GRIK1: variants seen among roughly 807,000 people sequenced by gnomAD.
GRIK1 encodes glutamate receptor ionotropic, kainate 1.
Under a neutral mutation model 105.7 loss-of-function variants are expected in GRIK1, and 69 were observed. The ratio of observed to expected loss-of-function variants is 0.65; its 90% confidence interval spans 0.54 to 0.80. GRIK1 has a LOEUF of 0.80. Among genes scored for constraint, GRIK1 ranks in the 30% least tolerant of loss-of-function variants. The probability of loss-of-function intolerance (pLI) is 0.00; values close to 1 mark genes in which losing one functional copy is unlikely to be tolerated. For synonymous variants in GRIK1, 438 were observed against 431.3 expected (o/e 1.02, Z -0.19); for missense variants, 1,109 against 1,167.3 (o/e 0.95, Z 0.73).
chr21:29,657,346 AAAC>A (rs1330869726), intron 4 of GRIK1: 1 of 152,188 alleles, frequency 6.6e-6, no homozygotes, highest in African/African-American at 2.4e-5. Context: ...GCATTTTTTT[AAAC>A]AACCATTTAA....
chr21:29,924,932 A>G (rs536801005), intron 1 of GRIK1, among the ~76,000 whole-genome samples: 1 of 152,328 alleles, frequency 6.6e-6, no homozygotes, highest in South Asian at 2.1e-4. Flanking sequence ...TCCTTCAGGA[A>G]AAGCTCAGAC....
At chr21:29,871,117 G>C (rs1020069059) in intron 1 of GRIK1, among the ~76,000 whole-genome samples, 10 of 152,134 alleles carry the variant, frequency 6.6e-5, no homozygotes, top group Non-Finnish European at 1.5e-4. Flanking sequence ...CCTGGATAAG[G>C]CTGGCCCCAC....
At chr21:29,636,636 T>TAA (rs1298038502) in intron 7 of GRIK1, among the ~76,000 whole-genome samples, 1 of 152,230 alleles carries the variant, frequency 6.6e-6, no homozygotes, top group Non-Finnish European at 1.5e-5. Flanking sequence ...TGTACTCAAA[T>TAA]AAACACTTGC....
At chr21:29,735,339 C>T (rs1053693945) in intron 1 of GRIK1, among the ~76,000 whole-genome samples, 1 of 152,154 alleles carries the variant, frequency 6.6e-6, no homozygotes, top group Non-Finnish European at 1.5e-5. Context: ...GTGTCAAGTC[C>T]AACTCATAAA....
rs1459058512 is a variant in GRIK1, at chr21:29,882,032, G to A, written c.118+57351C>T. ...CGTAGAACAGAAAGGAGAACAGATG[G>A]TTGGGGTAAAGGTATCTGAGGCAAA... On this transcript the variant is annotated intron_variant, in intron 1 of 17. Transcript: ENST00000327783. 2.6e-5 allele frequency among the ~76,000 whole-genome samples: 4 copies of A among 152,212 alleles called. No homozygotes were observed. The East Asian group carries it at 7.7e-4, about 29-fold the overall frequency.
chr21:29,914,110 C>T (rs1283606763), intron 1 of GRIK1, among the ~76,000 whole-genome samples: 1 of 151,924 alleles, frequency 6.6e-6, no homozygotes, highest in African/African-American at 2.4e-5. Context: ...TACTATAGGA[C>T]ATTTAACAGC....
At chr21:29,755,129 G>A (rs1428422291) in intron 1 of GRIK1, among the ~76,000 whole-genome samples, 4 of 152,174 alleles carry the variant, frequency 2.6e-5, no homozygotes, top group Admixed American at 6.5e-5. Flanking sequence ...AGATTGTAGT[G>A]ATGGATAAAA....
intron 1 of GRIK1, among the ~76,000 whole-genome samples, chr21:29,738,431 T>C (rs1386101892): frequency 1.3e-5 from 2 of 152,228 alleles, no homozygotes; most frequent in Non-Finnish European, 2.9e-5. Context: ...ATTTCAAATC[T>C]TTTTGCAGTC....
At chr21:29,723,241 T>C (rs2064366508) in intron 1 of GRIK1, among the ~76,000 whole-genome samples, 1 of 152,254 alleles carries the variant, frequency 6.6e-6, no homozygotes, top group Non-Finnish European at 1.5e-5. Context: ...ATTTCTTTAA[T>C]TTAAAATTTG....
At chr21:29,933,198 T>C (rs1009111621) in intron 1 of GRIK1, among the ~76,000 whole-genome samples, 1 of 152,170 alleles carries the variant, frequency 6.6e-6, no homozygotes, top group Non-Finnish European at 1.5e-5. Flanking sequence ...TTTACATAGG[T>C]AACCGTGTGT....
intron 1 of GRIK1, among the ~76,000 whole-genome samples, chr21:29,898,415 C>T (rs985656252): frequency 6.6e-6 from 1 of 152,134 alleles, no homozygotes; most frequent in Non-Finnish European, 1.5e-5. Context: ...TCTATGGGCA[C>T]AGGTCAGGTG....
chr21:29,795,118 C>G (rs564792718), intron 1 of GRIK1, among the ~76,000 whole-genome samples: 21 of 146,024 alleles, frequency 1.4e-4, no homozygotes, highest in African/African-American at 5.3e-4. Flanking sequence ...TCACTGCAAC[C>G]TCTGCCTCCC....
At chr21:29,700,749 C>T (rs1221176012) in intron 1 of GRIK1, among the ~76,000 whole-genome samples, 1 of 152,192 alleles carries the variant, frequency 6.6e-6, no homozygotes, top group Non-Finnish European at 1.5e-5. Context: ...GGCAATTCCA[C>T]TGCTGCCTAC....
intron 2 of GRIK1, 35 bp downstream of exon 2, chr21:29,693,861 C>T: frequency 1.3e-6 from 2 of 1,534,916 alleles, no homozygotes; most frequent in South Asian, 1.1e-5. Flanking sequence ...AGACATATCA[C>T]CCAAAGAAGC....
chr21:29,668,792 A>G (rs2063108469), intron 4 of GRIK1, among the ~76,000 whole-genome samples: 1 of 152,140 alleles, frequency 6.6e-6, no homozygotes, highest in Admixed American at 6.5e-5. Context: ...CAGTAAAATC[A>G]CACTCAGTAT....
intron 6 of GRIK1, among the ~76,000 whole-genome samples, chr21:29,647,429 C>T (rs1004339855): frequency 6.6e-6 from 1 of 152,156 alleles, no homozygotes; most frequent in Non-Finnish European, 1.5e-5. Context: ...TCTTTCATCG[C>T]TGGAGTAGCA....
intron 3 of GRIK1, among the ~76,000 whole-genome samples, chr21:29,686,523 G>A (rs903004550): frequency 2.0e-5 from 3 of 152,220 alleles, no homozygotes; most frequent in Admixed American, 6.5e-5. Flanking sequence ...TAGCTCAGTT[G>A]TCTTATCTTT....
chr21:29,539,387 A>G (rs1279152619), intron 16 of GRIK1, among the ~76,000 whole-genome samples: 4 of 152,186 alleles, frequency 2.6e-5, no homozygotes, highest in African/African-American at 7.2e-5. Flanking sequence ...CCCATTTTAT[A>G]ATACAGTGTT....
chr21:29,734,736 C>T (rs138710921), intron 1 of GRIK1, among the ~76,000 whole-genome samples: 1 of 152,090 alleles, frequency 6.6e-6, no homozygotes, highest in Admixed American at 6.6e-5. Flanking sequence ...TCCTTTCTTA[C>T]TCAGAATTGA....
Sources: allele counts gnomAD v4.1 joint callset (sites outside exome capture counted in the v4.1 genomes callset), GRCh38; gene constraint gnomAD v4.1.1; transcripts MANE v1.5; gene names NCBI Gene and HGNC (gene_info 2026-07-23, HGNC 2026-07-21).